Variants in CHRM3 observed in about 807,000 individuals in gnomAD.
CHRM3 encodes cholinergic receptor muscarinic 3, also known as muscarinic acetylcholine receptor M3.
CHRM3 carries 11 observed loss-of-function variants against 41.8 expected under a neutral mutation model. The ratio of observed to expected loss-of-function variants is 0.26; its 90% CI spans 0.17 to 0.44. The LOEUF is 0.44. CHRM3 is among the 20% of genes least tolerant of loss of function. The probability of loss-of-function intolerance (pLI) is 1.00; values close to 1 mark genes in which losing one functional copy is unlikely to be tolerated. For missense variants in CHRM3, 571 were observed against 745.4 expected (o/e 0.77, Z 2.72); for synonymous variants, 297 against 301.4 (o/e 0.99, Z 0.15).
chr1:239,437,956 G>A (rs1271040125), intron 1 of CHRM3, among the ~76,000 whole-genome samples: 2 of 152,170 alleles, frequency 1.3e-5, no homozygotes, highest in Admixed American at 6.5e-5. Flanking sequence ...TGCTCAGTGG[G>A]TGAGTATGAT....
chr1:239,478,571 A>C (rs566026274), intron 1 of CHRM3, among the ~76,000 whole-genome samples: 130 of 152,346 alleles, frequency 8.5e-4, no homozygotes, highest in South Asian at 1.7e-3. Context: ...GAGCAGCAGA[A>C]GCTATAAGAA....
Position 239,407,417 on chromosome 1 carries a change from T to TATATATATATATATAGAGAGAG in CHRM3, c.-521+20191_-521+20192insTATATATATATATAGAGAGAGA. 9.7e-5 allele frequency among the ~76,000 whole-genome samples: 13 copies of TATATATATATATATAGAGAGAG among 134,214 alleles called. No homozygotes were observed. In the South Asian group the frequency reaches 1.9e-3, roughly 20 times the overall value. The allele number at this position is 134,214 out of a possible 152,430, so 88.0% of individuals were successfully genotyped here. ...ACCAATGACTATAAATATATATATA[T>TATATATATATATATAGAGAGAG]AGAGAGAGAGAGAGAGAGAGAGAGC... On this transcript the variant is annotated intron_variant, in intron 1 of 6. Transcript: ENST00000676153.
At chr1:239,761,140 C>G (rs1666734797) in intron 5 of CHRM3, among the ~76,000 whole-genome samples, 1 of 152,026 alleles carries the variant, frequency 6.6e-6, no homozygotes, top group Non-Finnish European at 1.5e-5. Flanking sequence ...CCCTATTAAT[C>G]TTTTCTTCAG....
At chr1:239,615,452 G>A (rs544519005) in intron 3 of CHRM3, among the ~76,000 whole-genome samples, 1 of 152,244 alleles carries the variant, frequency 6.6e-6, no homozygotes, top group African/African-American at 2.4e-5. Context: ...ATGGGGACTG[G>A]GGGATGGTAG....
intron 2 of CHRM3, among the ~76,000 whole-genome samples, chr1:239,538,484 G>A (rs1658422981): frequency 1.3e-5 from 2 of 152,110 alleles, no homozygotes; most frequent in African/African-American, 4.8e-5. Flanking sequence ...GCCTGCCAAA[G>A]GGCTGTTTCA....
In CHRM3 at chr1:239,445,133, G is replaced by A. The variant is rs191978795; in HGVS notation, c.-520-47576G>A. The stretch of plus-strand genomic sequence containing the variant: ...CTTGAGGAATTTGAACCATGCACAT[G>A]TGGAATACTTTGTTGTCTTCCAAAT... On this transcript the variant is annotated intron_variant, in intron 1 of 6. Transcript: ENST00000676153. Among the ~76,000 whole-genome samples the A allele has an allele frequency of 1.3e-3, 191 of 152,332 alleles. 1 individual carries two copies. Among genetic ancestry groups the A allele is most frequent in the African/African-American group, 4.5e-3 (186 of 41,572 alleles).
intron 1 of CHRM3, among the ~76,000 whole-genome samples, chr1:239,457,563 T>G (rs1357633486): frequency 6.6e-6 from 1 of 152,126 alleles, no homozygotes; most frequent in Non-Finnish European, 1.5e-5. Flanking sequence ...GGATTTTAAA[T>G]TTGAGGTTTT....
At position 239,507,689 on chromosome 1, in the gene CHRM3, A is replaced by G. The variant is rs72756710; in HGVS notation, c.-422+14882A>G. 6.4e-3 allele frequency among the ~76,000 whole-genome samples: 968 copies of G among 152,314 alleles called. 10 individuals carry two copies. Among genetic ancestry groups the G allele is most frequent in the Middle Eastern group, 0.01 (3 of 294 alleles). On this transcript the variant is annotated intron_variant, in intron 2 of 6. Transcript: ENST00000676153. ...TGTTTATGGCCCTGTTTATGTGAAT[A>G]GACTAAAACTCATGGAATTTAGGAA...
In CHRM3 at chr1:239,439,428, G is replaced by T. The variant is rs148271519; in HGVS notation, c.-521+52201G>T. Reference sequence around the variant, plus strand: ...GAATTCGTGATATTTCCTGCGGACAGTAACAATGAGGGGCTGGAGTCAGGG... The same window carrying T: ...GAATTCGTGATATTTCCTGCGGACATTAACAATGAGGGGCTGGAGTCAGGG... On this transcript the variant is annotated intron_variant, in intron 1 of 6. Coordinates refer to ENST00000676153, the MANE Select transcript of CHRM3 (RefSeq NM_001375978.1). 4.5e-3 allele frequency among the ~76,000 whole-genome samples: 688 copies of T among 152,250 alleles called. 5 individuals carry two copies. The highest frequency in any genetic ancestry group is 0.016 in the African/African-American group (657 of 41,564).
At chr1:239,581,668 A>G (rs1256633381) in intron 3 of CHRM3, among the ~76,000 whole-genome samples, 1 of 152,174 alleles carries the variant, frequency 6.6e-6, no homozygotes, top group Non-Finnish European at 1.5e-5. Context: ...ATATCTTAAT[A>G]ACATTTTCTT....
chr1:239,418,115 A>C (rs575282814), intron 1 of CHRM3, among the ~76,000 whole-genome samples: 2 of 152,326 alleles, frequency 1.3e-5, no homozygotes, highest in East Asian at 3.9e-4. Context: ...GTAGCAGGGC[A>C]GCGGGCCAGG....
chr1:239,813,192 C>G (rs920005490), intron 5 of CHRM3, among the ~76,000 whole-genome samples: 1 of 151,976 alleles, frequency 6.6e-6, no homozygotes, highest in African/African-American at 2.4e-5. Flanking sequence ...GCAGGAGAAT[C>G]GCTTGAACCC....
rs1487108356 is a variant in CHRM3, at chr1:239,843,505, A to G, written c.-20+16127A>G. On this transcript the variant is annotated intron_variant, in intron 6 of 6. Coordinates refer to ENST00000676153, the MANE Select transcript of CHRM3 (RefSeq NM_001375978.1). Reference sequence around the variant, plus strand: ...CTTAGGACTTATCATTTGCTTTAATATAGCAGATTAGCTGGAGGCATGGTT... The same window carrying G: ...CTTAGGACTTATCATTTGCTTTAATGTAGCAGATTAGCTGGAGGCATGGTT... Among the ~76,000 whole-genome samples, 4 of 121,040 alleles carry G rather than the reference A, an allele frequency of 3.3e-5. No individual in the cohort carries two copies. In the Admixed American group the frequency reaches 4.4e-4, roughly 13 times the overall value. The allele number at this position is 121,040 out of a possible 152,430, so 79.4% of individuals were successfully genotyped here.
At position 239,666,360 on chromosome 1, in the gene CHRM3, A is replaced by ATT. The variant is rs34849546; in HGVS notation, c.-249-11816_-249-11815dup. Among the ~76,000 whole-genome samples the ATT allele has an allele frequency of 1.3e-3, 197 of 149,050 alleles. 3 individuals carry two copies. Among genetic ancestry groups the ATT allele is most frequent in the Middle Eastern group, 6.8e-3 (2 of 292 alleles). ...CGGGTGCCTGCCACCACACCCAGCAATTTTTTTTTTTAGTAGGGCTGGGGT... is the reference window on the plus strand; with the variant it reads ...CGGGTGCCTGCCACCACACCCAGCAATTTTTTTTTTTTTAGTAGGGCTGGGGT... On this transcript the variant is annotated intron_variant, in intron 4 of 6. Coordinates refer to ENST00000676153, the MANE Select transcript of CHRM3 (RefSeq NM_001375978.1).
chr1:239,828,680 AAGGGG>A (rs1672659647), intron 6 of CHRM3, among the ~76,000 whole-genome samples: 1 of 152,106 alleles, frequency 6.6e-6, no homozygotes. Context: ...AACAGTGGGC[AAGGGG>A]AGAGGGGTAT....
chr1:239,677,690 A>G (rs1300710026), intron 4 of CHRM3, among the ~76,000 whole-genome samples: 1 of 152,214 alleles, frequency 6.6e-6, no homozygotes, highest in Non-Finnish European at 1.5e-5. Context: ...CTCATAGCTT[A>G]ATCACCTCTT....
intron 1 of CHRM3, among the ~76,000 whole-genome samples, chr1:239,408,004 C>G (rs910401941): frequency 6.6e-6 from 1 of 152,084 alleles, no homozygotes; most frequent in Non-Finnish European, 1.5e-5. Flanking sequence ...ATATGGTTTG[C>G]CTGTGTCTCC....
intron 6 of CHRM3, among the ~76,000 whole-genome samples, chr1:239,899,573 G>GTA (rs902642591): frequency 6.6e-6 from 1 of 151,508 alleles, no homozygotes; most frequent in Admixed American, 6.6e-5. Flanking sequence ...TAGTGTGTGT[G>GTA]TATATATATA....
At chr1:239,512,557 T>TATAG (rs1668993219) in intron 2 of CHRM3, among the ~76,000 whole-genome samples, 1 of 152,130 alleles carries the variant, frequency 6.6e-6, no homozygotes, top group Non-Finnish European at 1.5e-5. Context: ...GTTGGAAACT[T>TATAG]ATAGTCAGTT....
Sources: allele counts gnomAD v4.1 joint callset (sites outside exome capture counted in the v4.1 genomes callset), GRCh38; gene constraint gnomAD v4.1.1; transcripts MANE v1.5; gene names NCBI Gene and HGNC (gene_info 2026-07-23, HGNC 2026-07-21).